SLC12A7: variants seen among roughly 807,000 people sequenced by gnomAD.
SLC12A7 encodes K-Cl cotransporter 4.
SLC12A7 carries 100 observed loss-of-function variants against 120.6 expected under a neutral mutation model. That is an observed-to-expected ratio of 0.83 (90% CI 0.71 to 0.98). The LOEUF (loss-of-function observed/expected upper bound fraction) is 0.98, where lower values mean the gene tolerates loss of function less well. Among genes scored for constraint, SLC12A7 ranks in the 50% least tolerant of loss-of-function variants. The pLI, the probability that SLC12A7 is intolerant of heterozygous loss-of-function variation, is 0.00. For synonymous variants in SLC12A7, 760 were observed against 678.0 expected (o/e 1.12, Z -1.88); for missense variants, 1,373 against 1,548.1 (o/e 0.89, Z 1.90).
chr5:1,058,280 G>A (rs950423425), intron 21 of SLC12A7, among the ~76,000 whole-genome samples: 8 of 152,238 alleles, frequency 5.3e-5, no homozygotes, highest in African/African-American at 1.4e-4. Flanking sequence ...CCGCGAGATC[G>A]CACCAATGGC....
rs768877338 is a variant in SLC12A7 at position 1,085,372 on chromosome 5, G to A, written c.777C>T (p.Leu259=). 44 of 1,612,172 alleles carry A rather than the reference G, an allele frequency of 2.7e-5. No homozygotes were observed. Among genetic ancestry groups the A allele is most frequent in the Admixed American group, 3.3e-5 (2 of 59,954 alleles). ...HNMRVYGTCT[L]VLMALVVFVG... ...CGAAGACCACCAGGGCCATGAGCAC[G>A]AGCGTGCACGTGCCGTACACACGCA... is the stretch of plus-strand genomic sequence containing the variant. The change falls in exon 7 of 24, where the codon CTC becomes CTT. Residue 259 remains leucine (L), a synonymous_variant. Coordinates refer to ENST00000264930, the MANE Select transcript of SLC12A7 (RefSeq NM_006598.3).
At chr5:1,065,926 G>A (rs1389742050) in intron 17 of SLC12A7, among the ~76,000 whole-genome samples, 1 of 152,120 alleles carries the variant, frequency 6.6e-6, no homozygotes, top group Non-Finnish European at 1.5e-5. Context: ...GCAACGGCGG[G>A]GGGCGGGGGT....
At chr5:1,121,046 C>G in the SLC12A7 span, among the ~76,000 whole-genome samples, 10 of 152,312 alleles carry the variant, frequency 6.6e-5, 1 homozygote, top group African/African-American at 2.4e-4. Flanking sequence ...ACGGTAGACT[C>G]GGTGCATCCT....
At chr5:1,078,514 AG>A in intron 11 of SLC12A7, 186 bp downstream of exon 11, 1 of 636,700 alleles carries the variant, frequency 1.6e-6, no homozygotes. Context: ...ACGGTTCCCC[AG>A]GCCCTAGGCT....
At chr5:1,091,794 C>T (rs1007143584) in intron 3 of SLC12A7, among the ~76,000 whole-genome samples, 1 of 151,960 alleles carries the variant, frequency 6.6e-6, no homozygotes, top group Non-Finnish European at 1.5e-5. Context: ...GTGCTGAGCC[C>T]GGCAATGCCC....
chr5:1,152,805 C>T, the SLC12A7 span, among the ~76,000 whole-genome samples: 1 of 152,196 alleles, frequency 6.6e-6, no homozygotes, highest in East Asian at 1.9e-4. Flanking sequence ...GGGAGGCCTG[C>T]GGGGATTACT....
At chr5:1,142,341 TCCC>T in the SLC12A7 span, among the ~76,000 whole-genome samples, 8 of 76,570 alleles carry the variant, frequency 1.0e-4, no homozygotes, top group African/African-American at 3.3e-4. Flanking sequence ...CTCTCCCCTC[TCCC>T]CTCTTCCCTC....
chr5:1,089,654 C>A (rs1041981337), intron 3 of SLC12A7, among the ~76,000 whole-genome samples: 2 of 152,160 alleles, frequency 1.3e-5, no homozygotes, highest in African/African-American at 4.8e-5. Flanking sequence ...CGGAGGTCAC[C>A]ACGAGATAAC....
the SLC12A7 span, among the ~76,000 whole-genome samples, chr5:1,141,019 C>T: frequency 2.6e-5 from 4 of 152,200 alleles, no homozygotes; most frequent in Admixed American, 6.5e-5. Flanking sequence ...CCAATACGCT[C>T]GGGCCGCTGT....
intron 1 of SLC12A7, among the ~76,000 whole-genome samples, chr5:1,095,155 C>T (rs1309086935): frequency 6.7e-6 from 1 of 149,764 alleles, no homozygotes; most frequent in African/African-American, 2.4e-5. Flanking sequence ...TCCCACCCTC[C>T]ATGGGAGGAC....
chr5:1,077,673 C>T (rs895145857), intron 12 of SLC12A7, among the ~76,000 whole-genome samples, 160 bp downstream of exon 12: 2 of 152,074 alleles, frequency 1.3e-5, no homozygotes, highest in African/African-American at 2.4e-5. Flanking sequence ...CCACCTCCCA[C>T]CACTCCCATG....
chr5:1,079,526 C>T, intron 9 of SLC12A7, 30 bp from the exon 10 acceptor site: 1 of 1,572,904 alleles, frequency 6.4e-7, no homozygotes, highest in South Asian at 1.1e-5. Flanking sequence ...TGCAAAGACC[C>T]ATCTGAGGAG....
chr5:1,125,509 CAGTGGTT>C, the SLC12A7 span, among the ~76,000 whole-genome samples: 1 of 152,088 alleles, frequency 6.6e-6, no homozygotes, highest in Admixed American at 6.5e-5. Context: ...AACTCCAAAA[CAGTGGTT>C]TTGGAAAGTT....
intron 17 of SLC12A7, among the ~76,000 whole-genome samples, chr5:1,066,609 G>A (rs1269261981): frequency 1.3e-5 from 2 of 152,214 alleles, no homozygotes; most frequent in African/African-American, 2.4e-5. Context: ...CTTTATGGAT[G>A]TATTGAAGAA....
chr5:1,053,434 G>C lies in SLC12A7; in HGVS notation c.3075C>G (p.Gly1025=). Residue 1025 remains glycine, a synonymous_variant, in exon 23 of 24, where the codon GGC becomes GGG. Coordinates refer to ENST00000264930, the MANE Select transcript of SLC12A7 (RefSeq NM_006598.3). ...RRMHTAVKLN[G]VVLNKSQDAQ... Reference sequence around the variant, plus strand: ...CATCCTGGGACTTGTTGAGGACGACGCCATTGAGCTTCACAGCCGTGTGCA... The same window carrying C: ...CATCCTGGGACTTGTTGAGGACGACCCCATTGAGCTTCACAGCCGTGTGCA... 6.2e-7 allele frequency: 1 copy of C among 1,613,922 alleles called. No individual in the cohort carries two copies. The highest frequency in any genetic ancestry group is 8.5e-7 in the Non-Finnish European group (1 of 1,180,012).
At chr5:1,149,606 TAAG>T in the SLC12A7 span, among the ~76,000 whole-genome samples, 1 of 151,838 alleles carries the variant, frequency 6.6e-6, no homozygotes, top group Non-Finnish European at 1.5e-5. Context: ...AAAATAAAAA[TAAG>T]AGCCATTCAA....
At chr5:1,104,360 GCAA>G (rs1300532790) in intron 1 of SLC12A7, among the ~76,000 whole-genome samples, 1 of 152,232 alleles carries the variant, frequency 6.6e-6, no homozygotes, top group Non-Finnish European at 1.5e-5. Flanking sequence ...CTGCACGTCT[GCAA>G]GGTGGACATC....
chr5:1,119,599 G>A, the SLC12A7 span, among the ~76,000 whole-genome samples: 1 of 152,254 alleles, frequency 6.6e-6, no homozygotes, highest in Non-Finnish European at 1.5e-5. Flanking sequence ...TGACCGTCGG[G>A]CAGCGACCGT....
the SLC12A7 span, among the ~76,000 whole-genome samples, chr5:1,155,430 C>G: frequency 3.3e-5 from 5 of 152,098 alleles, no homozygotes; most frequent in African/African-American, 1.2e-4. Flanking sequence ...GTCGGCCCAT[C>G]CCCGCGGCCC....
Sources: gnomAD v4.1 joint callset for allele counts (sites outside exome capture counted in the v4.1 genomes callset) on GRCh38, gnomAD v4.1.1 for gene constraint, MANE v1.5 for transcripts, NCBI Gene and HGNC (gene_info 2026-07-23, HGNC 2026-07-21) for gene names.